The following HS6ST2 variants were observed in gnomAD, a reference collection of about 807,000 sequenced individuals.
HS6ST2 encodes heparan-sulfate 6-O-sulfotransferase 2.
In HS6ST2, 17 loss-of-function variants were observed where a neutral mutation model predicts 33.0. The observed-to-expected ratio is 0.52, with a 90% CI of 0.35 to 0.77. The LOEUF is 0.77. HS6ST2 is among the 30% of genes least tolerant of loss of function. The pLI, the probability that HS6ST2 is intolerant of heterozygous loss-of-function variation, is 0.01. For synonymous variants in HS6ST2, 248 were observed against 237.1 expected (o/e 1.05, Z -0.42); for missense variants, 519 against 551.7 (o/e 0.94, Z 0.59).
intron 2 of HS6ST2, among the ~76,000 whole-genome samples, chrX:132,944,291 C>A (rs2066919534): frequency 9.0e-6 from 1 of 111,496 alleles, no homozygotes; most frequent in Non-Finnish European, 1.9e-5. Context: ...AGGAATCCAA[C>A]TTACAAGGGA....
intron 2 of HS6ST2, among the ~76,000 whole-genome samples, chrX:132,945,582 A>G (rs1360293146): frequency 9.0e-6 from 1 of 110,756 alleles, no homozygotes; most frequent in East Asian, 2.9e-4. Flanking sequence ...ATTAGTCACA[A>G]TAGCAAAGAC....
At chrX:132,897,134 G>A (rs2066383860) in intron 2 of HS6ST2, among the ~76,000 whole-genome samples, 1 of 110,839 alleles carries the variant, frequency 9.0e-6, no homozygotes, top group Non-Finnish European at 1.9e-5. Context: ...GAAGCAACAT[G>A]ACAAAACTAT....
chrX:132,819,971 G>A (rs745941444), intron 2 of HS6ST2, among the ~76,000 whole-genome samples: 20 of 112,337 alleles, frequency 1.8e-4, no homozygotes, highest in Non-Finnish European at 3.2e-4. Flanking sequence ...TCACGCCACC[G>A]TATTTCTTCC....
At chrX:132,648,992 A>G (rs1015795101) in intron 4 of HS6ST2, among the ~76,000 whole-genome samples, 2 of 112,440 alleles carry the variant, frequency 1.8e-5, no homozygotes, top group African/African-American at 3.2e-5. Context: ...TAGCCTCGGC[A>G]TATCAATCGT....
intron 2 of HS6ST2, among the ~76,000 whole-genome samples, chrX:132,723,916 C>T (rs1177615144): frequency 9.0e-6 from 1 of 111,095 alleles, no homozygotes; most frequent in African/African-American, 3.3e-5. Context: ...GCAGGCGGAT[C>T]ACAAGGTCAG....
intron 2 of HS6ST2, among the ~76,000 whole-genome samples, chrX:132,941,539 T>G (rs2066886607): frequency 8.9e-6 from 1 of 112,374 alleles, no homozygotes; most frequent in Non-Finnish European, 1.9e-5. Flanking sequence ...TCTCCTTAAG[T>G]GCATAAACCA....
chrX:132,702,005 G>T (rs1177483884), intron 3 of HS6ST2, among the ~76,000 whole-genome samples: 1 of 112,204 alleles, frequency 8.9e-6, no homozygotes, highest in Non-Finnish European at 1.9e-5. Context: ...AAGACACAAT[G>T]TTTTAAGTTC....
chrX:132,790,117 T>C (rs943638661), intron 2 of HS6ST2, among the ~76,000 whole-genome samples: 4 of 112,220 alleles, frequency 3.6e-5, no homozygotes, highest in African/African-American at 1.3e-4. Flanking sequence ...CATCACATGC[T>C]ACAGAGAAAT....
At chrX:132,873,266 T>C (rs1220111069) in intron 2 of HS6ST2, among the ~76,000 whole-genome samples, 2 of 111,590 alleles carry the variant, frequency 1.8e-5, no homozygotes, top group East Asian at 5.6e-4. Context: ...TATAAGCTTG[T>C]TGCTCTTTCT....
At chrX:132,867,799 A>C (rs2066006347) in intron 2 of HS6ST2, among the ~76,000 whole-genome samples, 2 of 112,011 alleles carry the variant, frequency 1.8e-5, no homozygotes, top group Non-Finnish European at 3.8e-5. Flanking sequence ...TAACATGGAA[A>C]GGAAAAACCA....
At chrX:132,705,154 AG>A (rs1278737769) in intron 3 of HS6ST2, among the ~76,000 whole-genome samples, 3 of 104,257 alleles carry the variant, frequency 2.9e-5, no homozygotes, top group Non-Finnish European at 5.9e-5. Flanking sequence ...CTCTATTTAA[AG>A]GGGCAGTGGG....
At chrX:132,757,606 TTC>T (rs373369533) in intron 2 of HS6ST2, among the ~76,000 whole-genome samples, 40 of 106,358 alleles carry the variant, frequency 3.8e-4, no homozygotes, top group Admixed American at 2.5e-3. Context: ...GCCCTTTGTG[TTC>T]TCTCTCTCTC....
chrX:132,833,248 T>C (rs1233453401), intron 2 of HS6ST2, among the ~76,000 whole-genome samples: 1 of 111,577 alleles, frequency 9.0e-6, no homozygotes, highest in Admixed American at 9.6e-5. Context: ...CTGTTAATGT[T>C]GTGTTGGGCC....
rs1314814300 is a variant in HS6ST2, at chrX:132,958,281, C to T, written c.322G>A (p.Gly108Ser). 2.5e-6 allele frequency: 3 copies of T among 1,190,668 alleles called. No individual in the cohort carries two copies. The highest frequency in any genetic ancestry group is 2.2e-6 in the Non-Finnish European group (2 of 890,765). The change falls in exon 1 of 5, where the codon GGC becomes AGC. Residue 108 changes from glycine (G) to serine (S), a missense_variant. Transcript: ENST00000370833. The part of the protein sequence containing the change: ...MHVLRRRWDL[G>S]SLCRALLTRG... The stretch of plus-strand genomic sequence containing the variant: ...GTGAGCAGGGCCCGGCAGAGGGAGC[C>T]CAGGTCCCAGCGTCGCCTGAGGACG...
intron 3 of HS6ST2, among the ~76,000 whole-genome samples, chrX:132,695,220 G>C (rs1015727177): frequency 4.5e-5 from 5 of 111,635 alleles, no homozygotes; most frequent in Non-Finnish European, 5.6e-5. Context: ...ACCCTAGCCT[G>C]TGTTCTCAGG....
At chrX:132,661,325 A>T (rs888296640) in intron 4 of HS6ST2, among the ~76,000 whole-genome samples, 7 of 111,268 alleles carry the variant, frequency 6.3e-5, no homozygotes, top group Non-Finnish European at 1.3e-4. Context: ...ACCAAAAAAA[A>T]AAAAGCTCCT....
chrX:132,864,447 C>T (rs1049081754), intron 2 of HS6ST2, among the ~76,000 whole-genome samples: 2 of 106,353 alleles, frequency 1.9e-5, no homozygotes, highest in African/African-American at 6.9e-5. Context: ...GAGAACTTCA[C>T]GAAGGATACA....
At chrX:132,697,419 A>G (rs2064111872) in intron 3 of HS6ST2, among the ~76,000 whole-genome samples, 2 of 112,197 alleles carry the variant, frequency 1.8e-5, no homozygotes, top group Non-Finnish European at 3.8e-5. Flanking sequence ...AGGTCACATG[A>G]GAGTTATTCT....
chrX:132,878,714 T>C lies in HS6ST2; in HGVS notation c.947+78094A>G, dbSNP rs1447936505. Among the ~76,000 whole-genome samples, 4 of 111,771 alleles carry C rather than the reference T, an allele frequency of 3.6e-5. 1 individual carries two copies. Among genetic ancestry groups the C allele is most frequent in the African/African-American group, 1.3e-4 (4 of 30,752 alleles). On this transcript the variant is annotated intron_variant, in intron 2 of 4. Transcript: ENST00000370833. ...AAAATATTACTTTTAAAAAGTAAGA[T>C]CATTTGGAATATAAATAATCATAAA...
Sources: gnomAD v4.1 joint callset for allele counts (sites outside exome capture counted in the v4.1 genomes callset) on GRCh38, gnomAD v4.1.1 for gene constraint, MANE v1.5 for transcripts, NCBI Gene and HGNC (gene_info 2026-07-23, HGNC 2026-07-21) for gene names.